The following SPPL2A variants were observed in gnomAD, a reference collection of about 807,000 sequenced individuals.
The protein encoded by SPPL2A is signal peptide peptidase-like 2A.
SPPL2A carries 51 observed loss-of-function variants against 63.8 expected under a neutral mutation model. That is an observed-to-expected ratio of 0.80 (90% CI 0.64 to 1.01). SPPL2A has a LOEUF of 1.01. Among genes scored for constraint, SPPL2A ranks in the 50% least tolerant of loss-of-function variants. The probability of loss-of-function intolerance (pLI) is 0.00; values close to 1 mark genes in which losing one functional copy is unlikely to be tolerated. For synonymous variants in SPPL2A, 188 were observed against 205.8 expected, an observed-to-expected ratio of 0.91 and a Z score of 0.74; for missense variants, 553 against 622.7, an observed-to-expected ratio of 0.89 and a Z score of 1.19.
chr15:50,711,206 CTTTTTTTTT>C (rs1302695528), intron 14 of SPPL2A, among the ~76,000 whole-genome samples: 1 of 115,608 alleles, frequency 8.6e-6, no homozygotes, highest in Admixed American at 8.6e-5. Context: ...AATTAGTATC[CTTTTTTTTT>C]TTTTTTTTTG....
chr15:50,709,719 G>A (rs1206842154), intron 14 of SPPL2A, among the ~76,000 whole-genome samples: 1 of 151,934 alleles, frequency 6.6e-6, no homozygotes, highest in Non-Finnish European at 1.5e-5. Flanking sequence ...GAACCTGAGA[G>A]GCAGAGGCTT....
At chr15:50,725,450 C>T (rs12910233) in intron 11 of SPPL2A, 127 bp from the exon 12 acceptor site, 182,184 of 610,124 alleles carry the variant, frequency 0.3, 29,756 homozygotes, top group East Asian at 0.54. Flanking sequence ...GACAGAGTCT[C>T]GCTCTGTCGC....
chr15:50,710,756 T>C (rs965894827), intron 14 of SPPL2A, among the ~76,000 whole-genome samples: 1 of 152,244 alleles, frequency 6.6e-6, no homozygotes, highest in African/African-American at 2.4e-5. Context: ...CTTATCTCTG[T>C]ATTCTGACTT....
intron 1 of SPPL2A, among the ~76,000 whole-genome samples, chr15:50,752,756 CT>C: frequency 6.6e-6 from 1 of 151,532 alleles, no homozygotes; most frequent in East Asian, 1.9e-4. Context: ...AAAAACAAGT[CT>C]TTGAGGACTT....
At chr15:50,746,524 A>G (rs746220950) in intron 5 of SPPL2A, among the ~76,000 whole-genome samples, 2 of 151,678 alleles carry the variant, frequency 1.3e-5, no homozygotes, top group Non-Finnish European at 2.9e-5. Context: ...TATGTTCTCT[A>G]AATGCATAAG....
chr15:50,721,244 G>A (rs1477551506), intron 13 of SPPL2A, among the ~76,000 whole-genome samples: 2 of 152,098 alleles, frequency 1.3e-5, no homozygotes, highest in Admixed American at 1.3e-4. Flanking sequence ...ATGTTGGCCA[G>A]GCTGGTCTCA....
chr15:50,763,871 C>T (rs2063034569), intron 1 of SPPL2A, among the ~76,000 whole-genome samples: 1 of 152,106 alleles, frequency 6.6e-6, no homozygotes, highest in Non-Finnish European at 1.5e-5. Flanking sequence ...GCACTCCAGC[C>T]TGGGCGACAG....
In SPPL2A at chr15:50,758,523, T is replaced by C. The variant is rs141838143; in HGVS notation, c.66+6945A>G. On this transcript the variant is annotated intron_variant, in intron 1 of 14. Transcript: ENST00000261854. ...TTTTGTATTTTTAGTAGAGATGGGG[T>C]TTCACCATGTTGGCCAGGATGGTCT... is the stretch of plus-strand genomic sequence containing the variant. Among the ~76,000 whole-genome samples, 398 of 151,288 alleles carry C rather than the reference T, an allele frequency of 2.6e-3. 2 individuals are homozygous for C. The highest frequency in any genetic ancestry group is 9.4e-3 in the African/African-American group (386 of 41,264).
intron 5 of SPPL2A, among the ~76,000 whole-genome samples, chr15:50,746,409 G>C (rs2062857539): frequency 7.8e-6 from 1 of 128,278 alleles, no homozygotes; most frequent in Non-Finnish European, 1.6e-5. Context: ...CTGTACTCCA[G>C]CCTGGCAACA....
intron 6 of SPPL2A, among the ~76,000 whole-genome samples, chr15:50,737,738 C>A (rs980369978): frequency 6.6e-6 from 1 of 152,128 alleles, no homozygotes; most frequent in Non-Finnish European, 1.5e-5. Context: ...CAGGCGAGAG[C>A]CACCGCATCT....
At chr15:50,746,265 C>A (rs890278344) in intron 5 of SPPL2A, among the ~76,000 whole-genome samples, 4 of 151,048 alleles carry the variant, frequency 2.6e-5, no homozygotes, top group African/African-American at 9.7e-5. Flanking sequence ...TGGTGAAACC[C>A]CATCTCTACT....
At position 50,703,356 on chromosome 15, in the gene SPPL2A, A is replaced by ATATATATATTTTTTTTT. The variant is rs1196710672; in HGVS notation, c.*4443_*4444insAAAAAAAAATATATATA. The stretch of plus-strand genomic sequence containing the variant: ...TATATATATATATATACATATATAT[A>ATATATATATTTTTTTTT]TTTTTTTTTTTTTTTTTTTTTTTTG... On this transcript the variant is annotated 3_prime_UTR_variant, in exon 15 of 15. Transcript: ENST00000261854. The ATATATATATTTTTTTTT allele has an allele frequency of 3.2e-5, 2 of 62,046 alleles. No individual in the cohort carries two copies. The highest frequency in any genetic ancestry group is 1.4e-4 in the African/African-American group (2 of 14,228). The allele number at this position is 62,046 out of a possible 1,614,324, so 3.8% of individuals were successfully genotyped here. A position where few individuals can be genotyped will look rare whatever the true frequency, so the allele number is the denominator to read the frequency against.
At chr15:50,724,009 G>A (rs1185492619) in intron 12 of SPPL2A, among the ~76,000 whole-genome samples, 1 of 152,140 alleles carries the variant, frequency 6.6e-6, no homozygotes, top group Non-Finnish European at 1.5e-5. Flanking sequence ...GTTCTATATA[G>A]AAGATCTTGT....
rs1325529342 is a variant in SPPL2A at position 50,706,546 on chromosome 15, C to T, written c.*1254G>A. 6.6e-6 allele frequency: 1 copy of T among 151,926 alleles called. No individual in the cohort carries two copies. Among genetic ancestry groups the T allele is most frequent in the African/African-American group, 2.4e-5 (1 of 41,364 alleles). 9.4% of individuals were successfully genotyped at this position (151,926 alleles called of 1,614,324 possible). A position where few individuals can be genotyped will look rare whatever the true frequency, so the allele number is the denominator to read the frequency against. ...TTCTCTGAACCGCACTTTGTACATC[C>T]TCCACCAAGATTAAGAATCATTACC... On this transcript the variant is annotated 3_prime_UTR_variant, in exon 15 of 15. Coordinates refer to ENST00000261854, the MANE Select transcript of SPPL2A (RefSeq NM_032802.4).
chr15:50,721,096 GGT>G (rs1262943018), intron 13 of SPPL2A, among the ~76,000 whole-genome samples: 1 of 152,056 alleles, frequency 6.6e-6, no homozygotes, highest in Non-Finnish European at 1.5e-5. Flanking sequence ...GGAGTGCAGT[GGT>G]GCAATCTTGT....
chr15:50,756,249 T>A (rs1288724667), intron 1 of SPPL2A, among the ~76,000 whole-genome samples: 1 of 151,038 alleles, frequency 6.6e-6, no homozygotes, highest in East Asian at 2.0e-4. Context: ...TAGACCCACT[T>A]ACTCTGGAGG....
intron 14 of SPPL2A, among the ~76,000 whole-genome samples, chr15:50,714,263 C>G (rs1197392863): frequency 6.6e-6 from 1 of 152,222 alleles, no homozygotes; most frequent in Non-Finnish European, 1.5e-5. Context: ...GTCTGCCCTC[C>G]TGGGGCTATT....
At chr15:50,755,597 G>C (rs1482852838) in intron 1 of SPPL2A, among the ~76,000 whole-genome samples, 9 of 135,456 alleles carry the variant, frequency 6.6e-5, no homozygotes, top group Admixed American at 5.5e-4. Context: ...TTCCAGCCTA[G>C]GGCCTAGGTG....
chr15:50,740,823 C>G (rs2062814324), intron 5 of SPPL2A, among the ~76,000 whole-genome samples: 1 of 152,128 alleles, frequency 6.6e-6, no homozygotes, highest in Non-Finnish European at 1.5e-5. Context: ...GTTGCCCTGG[C>G]TGGTCTCGAA....
Sources: allele counts gnomAD v4.1 joint callset (sites outside exome capture counted in the v4.1 genomes callset), GRCh38; gene constraint gnomAD v4.1.1; transcripts MANE v1.5; gene names NCBI Gene and HGNC (gene_info 2026-07-23, HGNC 2026-07-21).